The following ITPKB variants were observed in gnomAD, a reference collection of about 807,000 sequenced individuals.
ITPKB encodes the protein inositol-trisphosphate 3-kinase B.
A neutral mutation model predicts 69.4 loss-of-function variants in ITPKB; 13 were observed. That is an observed-to-expected ratio of 0.19 (90% confidence interval 0.12 to 0.30). ITPKB has a LOEUF of 0.30. Among genes scored for constraint, ITPKB ranks in the 10% least tolerant of loss-of-function variants. The pLI is 1.00. For missense variants in ITPKB, 1,240 were observed against 1,250.5 expected (o/e 0.99, Z 0.13); for synonymous variants, 584 against 513.7 (o/e 1.14, Z -1.85).
chr1:226,727,788 A>T (rs1657469486), intron 2 of ITPKB, among the ~76,000 whole-genome samples: 1 of 152,118 alleles, frequency 6.6e-6, no homozygotes, highest in African/African-American at 2.4e-5. Flanking sequence ...CCTTCAGAAG[A>T]GTTCTCCTTG....
chr1:226,652,130 A>G (rs954232362), intron 2 of ITPKB, among the ~76,000 whole-genome samples: 1 of 152,246 alleles, frequency 6.6e-6, no homozygotes, highest in Non-Finnish European at 1.5e-5. Context: ...GCCAAGCAGT[A>G]AACAGAAAAA....
intron 2 of ITPKB, among the ~76,000 whole-genome samples, chr1:226,669,964 C>T (rs914792490): frequency 6.6e-6 from 1 of 151,180 alleles, no homozygotes; most frequent in African/African-American, 2.4e-5. Context: ...ACCTCCGCCT[C>T]CAGGGGTCAA....
intron 6 of ITPKB, among the ~76,000 whole-genome samples, chr1:226,638,946 C>T (rs139175294): frequency 4.6e-4 from 70 of 152,048 alleles, no homozygotes; most frequent in African/African-American, 1.6e-3. Context: ...CCCGCCTACC[C>T]GCCGCACGCC....
At chr1:226,701,412 G>A (rs1656633660) in intron 2 of ITPKB, among the ~76,000 whole-genome samples, 1 of 151,650 alleles carries the variant, frequency 6.6e-6, no homozygotes, top group Non-Finnish European at 1.5e-5. Context: ...AGACCATCCT[G>A]GCTAACACGG....
intron 2 of ITPKB, chr1:226,707,845 G>C: frequency 8.0e-7 from 1 of 1,256,688 alleles, no homozygotes; most frequent in Non-Finnish European, 1.0e-6. Context: ...GATGAAATAT[G>C]CTATACATCA....
chr1:226,720,763 C>T (rs997612731), intron 2 of ITPKB, among the ~76,000 whole-genome samples: 3 of 151,976 alleles, frequency 2.0e-5, no homozygotes, highest in Admixed American at 6.6e-5. Flanking sequence ...AAATATTGGC[C>T]GGGCGCGGCC....
chr1:226,661,040 G>A (rs1359846179), intron 2 of ITPKB, among the ~76,000 whole-genome samples: 5 of 152,226 alleles, frequency 3.3e-5, no homozygotes, highest in African/African-American at 1.2e-4. Context: ...TCACTGATCG[G>A]CAGACAATTG....
Position 226,738,497 on chromosome 1 carries a change from C to CG in ITPKB, c.-206+543_-206+544insC, listed in dbSNP as rs3834099. Reference sequence around the variant, plus strand: ...GTGTATACACGCGTGTGTGTATACGCCGCACGCGCGCGGAGCGAGTCCGCT... The same window carrying CG: ...GTGTATACACGCGTGTGTGTATACGCGCGCACGCGCGCGGAGCGAGTCCGCT... On this transcript the variant is annotated intron_variant, in intron 1 of 7. Coordinates refer to ENST00000429204, the MANE Select transcript of ITPKB (RefSeq NM_002221.4). The surrounding 1 kb of genome is among the most constrained non-coding windows in gnomAD (Gnocchi z 4.2). Among the ~76,000 whole-genome samples the CG allele has an allele frequency of 0.013, 1,909 of 152,304 alleles. 87 individuals carry two copies. The highest frequency in any genetic ancestry group is 0.072 in the East Asian group (374 of 5,174).
At chr1:226,716,101 G>A (rs1028714930) in intron 2 of ITPKB, among the ~76,000 whole-genome samples, 3 of 152,190 alleles carry the variant, frequency 2.0e-5, no homozygotes, top group African/African-American at 4.8e-5. Context: ...GTGAGCCACC[G>A]CACCTGGCCC....
chr1:226,664,966 A>G (rs548798875), intron 2 of ITPKB, among the ~76,000 whole-genome samples: 1 of 152,346 alleles, frequency 6.6e-6, no homozygotes, highest in South Asian at 2.1e-4. Context: ...GGCTCCCTGT[A>G]AACCTGAGTC....
At chr1:226,646,892 C>T (rs1026947907) in intron 4 of ITPKB, among the ~76,000 whole-genome samples, 26 of 152,360 alleles carry the variant, frequency 1.7e-4, no homozygotes, top group African/African-American at 6.3e-4. Flanking sequence ...TAGGGGGCCT[C>T]AGAACCCAGC....
rs200757060 is a variant in ITPKB at position 226,671,886 on chromosome 1, G to T, written c.1933-23115C>A. ...GGAGAATATATCACATATGAGGTCAGTTCTTGCAGAGTTTTTTAGGCTGTT... is the reference window on the plus strand; with the variant it reads ...GGAGAATATATCACATATGAGGTCATTTCTTGCAGAGTTTTTTAGGCTGTT... On this transcript the variant is annotated intron_variant, in intron 2 of 7. Transcript: ENST00000429204. Among the ~76,000 whole-genome samples, 22 of 152,328 alleles carry T rather than the reference G, an allele frequency of 1.4e-4. 1 individual carries two copies. In the East Asian group the frequency reaches 3.9e-3, roughly 27 times the overall value.
At chr1:226,707,504 T>G (rs1048609497) in intron 2 of ITPKB, 2 of 984,120 alleles carry the variant, frequency 2.0e-6, no homozygotes, top group African/African-American at 1.7e-5. Flanking sequence ...GCCAATAAAG[T>G]AAAATTTTAA....
intron 3 of ITPKB, among the ~76,000 whole-genome samples, chr1:226,647,985 T>C (rs1486225921): frequency 6.6e-6 from 1 of 152,144 alleles, no homozygotes; most frequent in Admixed American, 6.5e-5. Flanking sequence ...GCTGGTGAAG[T>C]CACGAAGGCC....
intron 2 of ITPKB, among the ~76,000 whole-genome samples, chr1:226,672,656 A>G (rs552316734): frequency 1.3e-5 from 2 of 152,336 alleles, no homozygotes; most frequent in South Asian, 4.1e-4. Context: ...TGCTGAAAGA[A>G]TTGCCCTCTA....
intron 2 of ITPKB, 113 bp from the exon 3 acceptor site, chr1:226,648,884 C>T: frequency 1.3e-6 from 1 of 772,860 alleles, no homozygotes; most frequent in Non-Finnish European, 2.3e-6. Context: ...TGGGAAGGGC[C>T]CTTGACGGGC....
intron 2 of ITPKB, among the ~76,000 whole-genome samples, chr1:226,706,910 A>T (rs1465791800): frequency 6.6e-6 from 1 of 152,222 alleles, no homozygotes; most frequent in African/African-American, 2.4e-5. Context: ...GCTGGCTAGC[A>T]TCCAGGCATC....
intron 2 of ITPKB, among the ~76,000 whole-genome samples, chr1:226,654,533 C>G (rs3820637): frequency 6.6e-6 from 1 of 152,156 alleles, no homozygotes; most frequent in Admixed American, 6.5e-5. Context: ...ATGATCTCCT[C>G]CTGCTCAACA....
intron 2 of ITPKB, among the ~76,000 whole-genome samples, chr1:226,700,149 AC>A (rs1415765227): frequency 1.3e-5 from 2 of 152,134 alleles, no homozygotes; most frequent in African/African-American, 4.8e-5. Flanking sequence ...TCCTTTGGTA[AC>A]ACCGTCATAG....
Sources: allele counts gnomAD v4.1 joint callset (sites outside exome capture counted in the v4.1 genomes callset), GRCh38; gene constraint gnomAD v4.1.1; non-coding constraint Gnocchi (gnomAD v3.1); transcripts MANE v1.5; gene names NCBI Gene and HGNC (gene_info 2026-07-23, HGNC 2026-07-21).